TYW1: variants seen among roughly 807,000 people sequenced by gnomAD.
The protein encoded by TYW1 is tRNA-yW synthesizing protein 1 homolog, also known as S-adenosyl-L-methionine-dependent tRNA 4-demethylwyosine synthase TYW1.
Under a neutral mutation model 96.2 loss-of-function variants are expected in TYW1, and 46 were observed. The ratio of observed to expected loss-of-function variants is 0.48; its 90% confidence interval spans 0.38 to 0.61. The LOEUF is 0.61. TYW1 is among the 20% of genes least tolerant of loss of function. TYW1 has a pLI of 0.00. For synonymous variants in TYW1, 274 were observed against 323.0 expected (o/e 0.85, Z 1.63); for missense variants, 684 against 909.6 (o/e 0.75, Z 3.19).
intron 15 of TYW1, among the ~76,000 whole-genome samples, chr7:67,199,918 GAAAGAGAA>G (rs34770741): frequency 0.25 from 37,891 of 151,796 alleles, 4,835 homozygotes; most frequent in African/African-American, 0.3. Context: ...AAGAGAGAGA[GAAAGAGAA>G]GAAGAGAAGA....
intron 15 of TYW1, among the ~76,000 whole-genome samples, chr7:67,234,914 C>A (rs1255919950): frequency 6.7e-6 from 1 of 150,078 alleles, no homozygotes; most frequent in Admixed American, 6.7e-5. Flanking sequence ...TTTGCGTGTA[C>A]TAGATTGAGA....
chr7:67,123,243 G>C (rs529514500), intron 13 of TYW1, among the ~76,000 whole-genome samples: 2 of 152,072 alleles, frequency 1.3e-5, no homozygotes, highest in African/African-American at 4.8e-5. Flanking sequence ...CATGTAAACC[G>C]TGGGACCCCT....
intron 7 of TYW1, among the ~76,000 whole-genome samples, chr7:67,045,295 T>C (rs1795152431): frequency 6.6e-6 from 1 of 152,074 alleles, no homozygotes; most frequent in South Asian, 2.1e-4. Flanking sequence ...ACCACAGCCT[T>C]GAACTCCTGT....
At chr7:67,047,783 A>AT (rs36007120) in intron 7 of TYW1, among the ~76,000 whole-genome samples, 10,595 of 79,380 alleles carry the variant, frequency 0.13, 1,842 homozygotes, top group East Asian at 0.25. Flanking sequence ...GTGAGTGTCA[A>AT]TTTTTTTTTT....
At chr7:67,199,479 C>A (rs1243545642) in intron 15 of TYW1, among the ~76,000 whole-genome samples, 1 of 152,182 alleles carries the variant, frequency 6.6e-6, no homozygotes, top group East Asian at 1.9e-4. Flanking sequence ...TCGCTTCTTA[C>A]CAAAATTTCC....
chr7:67,130,148 A>G (rs1798022889), intron 13 of TYW1, among the ~76,000 whole-genome samples: 1 of 151,964 alleles, frequency 6.6e-6, no homozygotes, highest in Non-Finnish European at 1.5e-5. Flanking sequence ...TGGGAGGCTG[A>G]GGTGGGTGGA....
chr7:67,029,928 G>A (rs766651234), intron 7 of TYW1, among the ~76,000 whole-genome samples: 4 of 152,058 alleles, frequency 2.6e-5, no homozygotes, highest in Non-Finnish European at 5.9e-5. Context: ...CTAGGTTGCA[G>A]TTTTATTATA....
At chr7:67,082,535 C>T (rs1796420409) in intron 10 of TYW1, among the ~76,000 whole-genome samples, 1 of 152,130 alleles carries the variant, frequency 6.6e-6, no homozygotes, top group African/African-American at 2.4e-5. Flanking sequence ...CTATTTCTGG[C>T]AGCTCTGTTG....
intron 4 of TYW1, among the ~76,000 whole-genome samples, chr7:67,013,230 C>T (rs56153400): frequency 0.093 from 14,012 of 150,736 alleles, 946 homozygotes; most frequent in East Asian, 0.35. Context: ...TCAAGCAGTT[C>T]TCCTGCCTCA....
At chr7:67,149,159 G>A (rs538606876) in intron 13 of TYW1, among the ~76,000 whole-genome samples, 2 of 152,322 alleles carry the variant, frequency 1.3e-5, no homozygotes, top group South Asian at 4.1e-4. Flanking sequence ...CCATTTTGGA[G>A]ATTAGAGCTG....
intron 13 of TYW1, among the ~76,000 whole-genome samples, chr7:67,169,342 C>G (rs1323903153): frequency 6.6e-6 from 1 of 152,008 alleles, no homozygotes. Context: ...TAGTGTCTGT[C>G]TTCTTACAGT....
At chr7:67,137,715 G>A (rs1798311111) in intron 13 of TYW1, among the ~76,000 whole-genome samples, 2 of 149,292 alleles carry the variant, frequency 1.3e-5, no homozygotes, top group Non-Finnish European at 3.0e-5. Flanking sequence ...TGTGTATGGA[G>A]GTGTGGATTA....
intron 15 of TYW1, among the ~76,000 whole-genome samples, chr7:67,218,741 C>T (rs1275421405): frequency 6.6e-6 from 1 of 152,128 alleles, no homozygotes; most frequent in Non-Finnish European, 1.5e-5. Flanking sequence ...CTGATTTTTG[C>T]ATGTTAACTT....
intron 5 of TYW1, 52 bp downstream of exon 5, chr7:67,014,613 A>T: frequency 6.4e-7 from 1 of 1,555,134 alleles, no homozygotes; most frequent in East Asian, 2.3e-5. Context: ...ACACACACAC[A>T]CGCACACACA....
intron 7 of TYW1, among the ~76,000 whole-genome samples, chr7:67,049,260 C>T (rs1026934677): frequency 5.3e-5 from 8 of 152,092 alleles, no homozygotes; most frequent in East Asian, 3.9e-4. Context: ...TATTATTTTT[C>T]GCCCTTTTCA....
At chr7:67,187,052 ATTTTTTTTTTTTTTT>A (rs750086247) in intron 14 of TYW1, among the ~76,000 whole-genome samples, 8 of 100,920 alleles carry the variant, frequency 7.9e-5, no homozygotes, top group African/African-American at 1.4e-4. Context: ...CCACAATTAA[ATTTTTTTTTTTTTTT>A]TTTTTTTTTT....
chr7:67,207,042 C>T (rs553109613), intron 15 of TYW1, among the ~76,000 whole-genome samples: 32 of 152,234 alleles, frequency 2.1e-4, no homozygotes, highest in African/African-American at 7.5e-4. Context: ...TGGCCAGAAA[C>T]GCCCTCCTTT....
intron 7 of TYW1, among the ~76,000 whole-genome samples, chr7:67,041,927 C>T (rs981173288): frequency 1.9e-4 from 29 of 150,550 alleles, no homozygotes; most frequent in African/African-American, 5.8e-4. Context: ...TTAATCCAGC[C>T]GCATTGTATT....
intron 13 of TYW1, among the ~76,000 whole-genome samples, chr7:67,139,339 A>G (rs1798368490): frequency 6.6e-6 from 1 of 152,254 alleles, no homozygotes; most frequent in Non-Finnish European, 1.5e-5. Context: ...GGCATGAGCC[A>G]CCATGCCCGG....
Sources: gnomAD v4.1 joint callset for allele counts (sites outside exome capture counted in the v4.1 genomes callset) on GRCh38, gnomAD v4.1.1 for gene constraint, MANE v1.5 for transcripts, NCBI Gene and HGNC (gene_info 2026-07-23, HGNC 2026-07-21) for gene names.